ANKS1B: variants seen among roughly 807,000 people sequenced by gnomAD.
The protein encoded by ANKS1B is ankyrin repeat and sterile alpha motif domain-containing protein 1B.
ANKS1B carries 36 observed loss-of-function variants against 148.3 expected under a neutral mutation model. That is an observed-to-expected ratio of 0.24 (90% CI 0.19 to 0.32). ANKS1B has a LOEUF of 0.32. ANKS1B is among the 10% of genes least tolerant of loss of function. The pLI is 1.00. For synonymous variants in ANKS1B, 542 were observed against 560.8 expected (o/e 0.97, Z 0.47); for missense variants, 1,157 against 1,542.6 (o/e 0.75, Z 4.19).
intron 1 of ANKS1B, among the ~76,000 whole-genome samples, chr12:99,858,170 A>C (rs180721004): frequency 4.6e-5 from 7 of 152,338 alleles, no homozygotes; most frequent in African/African-American, 9.6e-5. Context: ...ATTTACAAGG[A>C]ACTCAAGCAA....
chr12:99,934,848 G>A (rs1457847861), intron 1 of ANKS1B, among the ~76,000 whole-genome samples: 1 of 152,104 alleles, frequency 6.6e-6, no homozygotes, highest in African/African-American at 2.4e-5. Flanking sequence ...ATAAAGGAGG[G>A]AGGAGATATG....
chr12:98,894,453 C>T (rs1295672091), intron 17 of ANKS1B, among the ~76,000 whole-genome samples: 1 of 152,142 alleles, frequency 6.6e-6, no homozygotes, highest in Non-Finnish European at 1.5e-5. Context: ...CCCGCCCCCT[C>T]CGTAGAGACC....
intron 17 of ANKS1B, among the ~76,000 whole-genome samples, chr12:98,832,351 G>C (rs1258413446): frequency 6.6e-6 from 1 of 152,100 alleles, no homozygotes; most frequent in Non-Finnish European, 1.5e-5. Context: ...AGAGAAGGGA[G>C]GATGGTTCTC....
chr12:98,855,014 CCGGGCGCGGTGG>C (rs2099555015), intron 17 of ANKS1B, among the ~76,000 whole-genome samples: 1 of 151,818 alleles, frequency 6.6e-6, no homozygotes, highest in South Asian at 2.1e-4. Flanking sequence ...AAAAAATTAG[CCGGGCGCGGTGG>C]CGGGCGCCTG....
At chr12:99,055,540 CAG>C (rs1305737411) in intron 16 of ANKS1B, among the ~76,000 whole-genome samples, 1 of 152,304 alleles carries the variant, frequency 6.6e-6, no homozygotes, top group African/African-American at 2.4e-5. Flanking sequence ...ATCTGACACA[CAG>C]AGGGTGTTGA....
chr12:99,448,879 T>C (rs2095681187), intron 10 of ANKS1B, among the ~76,000 whole-genome samples: 1 of 152,060 alleles, frequency 6.6e-6, no homozygotes, highest in African/African-American at 2.4e-5. Context: ...ACTTCCAATA[T>C]TGCCTTCCCA....
chr12:99,974,928 A>T (rs2095607467), intron 1 of ANKS1B, among the ~76,000 whole-genome samples: 1 of 152,132 alleles, frequency 6.6e-6, no homozygotes, highest in Non-Finnish European at 1.5e-5. Flanking sequence ...GCACAGATTC[A>T]TCAGAAGAAT....
At chr12:99,818,741 G>A (rs10860528) in intron 2 of ANKS1B, among the ~76,000 whole-genome samples, 39,634 of 151,546 alleles carry the variant, frequency 0.26, 5,519 homozygotes, top group Middle Eastern at 0.34. Flanking sequence ...AATGTAAATA[G>A]CTGCAATATT....
chr12:99,295,991 T>G (rs77173195), intron 12 of ANKS1B, among the ~76,000 whole-genome samples: 12,652 of 152,288 alleles, frequency 0.083, 1,170 homozygotes, highest in African/African-American at 0.23. Context: ...ATATTTATCT[T>G]TGCAAAATAT....
intron 1 of ANKS1B, among the ~76,000 whole-genome samples, chr12:99,855,440 A>C (rs960645795): frequency 1.2e-4 from 19 of 152,188 alleles, no homozygotes; most frequent in Non-Finnish European, 1.3e-4. Context: ...AAGAAATGAG[A>C]TAGACAGCAA....
At chr12:99,411,139 A>G (rs911670884) in intron 11 of ANKS1B, among the ~76,000 whole-genome samples, 2 of 152,184 alleles carry the variant, frequency 1.3e-5, no homozygotes, top group African/African-American at 4.8e-5. Flanking sequence ...CAAGATTCCA[A>G]GCCCCAACAC....
intron 9 of ANKS1B, among the ~76,000 whole-genome samples, chr12:99,536,948 C>T (rs1336849364): frequency 1.3e-5 from 2 of 152,142 alleles, no homozygotes; most frequent in Non-Finnish European, 2.9e-5. Flanking sequence ...TCCTCCAACT[C>T]TCTATCTCCA....
intron 17 of ANKS1B, among the ~76,000 whole-genome samples, chr12:98,977,247 A>G (rs1031229862): frequency 6.6e-6 from 1 of 152,218 alleles, no homozygotes; most frequent in African/African-American, 2.4e-5. Flanking sequence ...GTATGCTTTC[A>G]GTGCCCCAAA....
At chr12:99,205,572 TC>T (rs1398570604) in intron 14 of ANKS1B, among the ~76,000 whole-genome samples, 1 of 152,212 alleles carries the variant, frequency 6.6e-6, no homozygotes, top group Admixed American at 6.5e-5. Flanking sequence ...TCCCCTGTCT[TC>T]CTCACGGAGC....
At chr12:99,759,345 C>T (rs10778020) in intron 8 of ANKS1B, among the ~76,000 whole-genome samples, 67,190 of 151,718 alleles carry the variant, frequency 0.44, 15,228 homozygotes, top group South Asian at 0.61. Flanking sequence ...ATTATTGATT[C>T]TGATTCTATC....
intron 17 of ANKS1B, among the ~76,000 whole-genome samples, chr12:98,963,803 T>C (rs892899532): frequency 2.0e-5 from 3 of 151,930 alleles, no homozygotes; most frequent in African/African-American, 4.8e-5. Context: ...AGAAACTCTA[T>C]AGGAAAAAAA....
intron 14 of ANKS1B, among the ~76,000 whole-genome samples, chr12:99,243,489 A>G (rs897695304): frequency 3.9e-5 from 6 of 152,350 alleles, no homozygotes; most frequent in Admixed American, 3.9e-4. Context: ...AGGATCTAGA[A>G]CTAGAAATAC....
chr12:98,961,100 A>G (rs1311049954), intron 17 of ANKS1B, among the ~76,000 whole-genome samples: 2 of 152,224 alleles, frequency 1.3e-5, no homozygotes. Flanking sequence ...AGTTTATTCA[A>G]AAAGATAATA....
chr12:99,828,152 A>G (rs1183771290), intron 1 of ANKS1B, among the ~76,000 whole-genome samples: 1 of 152,218 alleles, frequency 6.6e-6, no homozygotes, highest in African/African-American at 2.4e-5. Flanking sequence ...TTGGTTGAAA[A>G]TCTAAATCAA....
Sources: gnomAD v4.1 joint callset for allele counts (sites outside exome capture counted in the v4.1 genomes callset) on GRCh38, gnomAD v4.1.1 for gene constraint, MANE v1.5 for transcripts, NCBI Gene and HGNC (gene_info 2026-07-23, HGNC 2026-07-21) for gene names.